Variants in DORIP1 observed in about 807,000 individuals in gnomAD.
The protein encoded by DORIP1 is dopamine receptor-interacting protein 1.
the DORIP1 span, chr14:44,899,302 C>T: frequency 2.0e-5 from 3 of 152,164 alleles, no homozygotes; most frequent in South Asian, 2.1e-4. Context: ...AGGGAGGATG[C>T]TTTGCTTCAT....
chr14:44,900,789 C>G, the DORIP1 span: 2 of 1,614,092 alleles, frequency 1.2e-6, no homozygotes, highest in Non-Finnish European at 1.7e-6. Context: ...AACAGCAATA[C>G]AAATCTGAAG....
the DORIP1 span, chr14:44,903,386 C>T: frequency 6.0e-6 from 9 of 1,495,956 alleles, no homozygotes; most frequent in Non-Finnish European, 8.2e-6. Context: ...CTTTATGAAT[C>T]TTATTAACCT....
the DORIP1 span, among the ~76,000 whole-genome samples, chr14:44,901,978 A>G: frequency 6.6e-6 from 1 of 152,244 alleles, no homozygotes; most frequent in Admixed American, 6.5e-5. Context: ...CCAGTGGAAG[A>G]AAAACAGACC....
chr14:44,900,682 C>T, the DORIP1 span: 10 of 1,612,608 alleles, frequency 6.2e-6, no homozygotes, highest in Non-Finnish European at 8.5e-6. Context: ...ACTCTCTCTT[C>T]ATTTTGGTAG....
chr14:44,903,768 G>A, the DORIP1 span: 8 of 967,724 alleles, frequency 8.3e-6, no homozygotes, highest in Non-Finnish European at 8.6e-6. Context: ...CAAAAGGAAA[G>A]GTAAAAATAT....
At chr14:44,900,681 T>C in the DORIP1 span, 23 of 1,612,652 alleles carry the variant, frequency 1.4e-5, no homozygotes, top group Non-Finnish European at 1.8e-5. Flanking sequence ...AACTCTCTCT[T>C]CATTTTGGTA....
chr14:44,904,536 G>A, the DORIP1 span: 1 of 1,561,310 alleles, frequency 6.4e-7, no homozygotes, highest in South Asian at 1.3e-5. Context: ...ACAAGTAGGT[G>A]TTTTTGTTGT....
the DORIP1 span, chr14:44,904,904 G>T: frequency 5.7e-6 from 1 of 176,328 alleles, no homozygotes. Flanking sequence ...GTTTAAGATA[G>T]TACCTGACAC....
chr14:44,900,582 T>A, the DORIP1 span: 4 of 1,610,884 alleles, frequency 2.5e-6, no homozygotes, highest in Non-Finnish European at 3.4e-6. Context: ...CACTCTATGT[T>A]GAAATAAGAC....
At chr14:44,903,459 C>T in the DORIP1 span, 2 of 1,316,026 alleles carry the variant, frequency 1.5e-6, no homozygotes, top group Non-Finnish European at 9.8e-7. Flanking sequence ...GAATATGGTA[C>T]TACAGCTGAT....
the DORIP1 span, among the ~76,000 whole-genome samples, chr14:44,898,719 T>C: frequency 6.6e-6 from 1 of 152,192 alleles, no homozygotes; most frequent in African/African-American, 2.4e-5. Flanking sequence ...ATGACTAGAA[T>C]CAATGTGTTG....
the DORIP1 span, chr14:44,898,778 A>G: frequency 6.6e-6 from 1 of 152,160 alleles, no homozygotes; most frequent in Non-Finnish European, 1.5e-5. Context: ...TAGTTACTGG[A>G]TATTTTAGAG....
chr14:44,903,157 A>G, the DORIP1 span: 1 of 1,296,796 alleles, frequency 7.7e-7, no homozygotes, highest in East Asian at 2.3e-5. Flanking sequence ...TAATATATTA[A>G]GATATAAAAT....
chr14:44,903,609 AAG>A, the DORIP1 span: 1 of 1,013,592 alleles, frequency 9.9e-7, no homozygotes, highest in Non-Finnish European at 1.2e-6. Context: ...ATTTAGGAGA[AAG>A]AGGTAAATGA....
chr14:44,899,980 C>T, the DORIP1 span, among the ~76,000 whole-genome samples: 4,988 of 151,820 alleles, frequency 0.033, 272 homozygotes, highest in African/African-American at 0.11. Flanking sequence ...TACAGGCATG[C>T]GCCACCACGC....
chr14:44,900,098 G>C, the DORIP1 span, among the ~76,000 whole-genome samples: 3 of 152,054 alleles, frequency 2.0e-5, no homozygotes, highest in Non-Finnish European at 4.4e-5. Flanking sequence ...CCAAAGTACT[G>C]GGATTACAGG....
At chr14:44,900,151 G>A in the DORIP1 span, among the ~76,000 whole-genome samples, 1 of 151,824 alleles carries the variant, frequency 6.6e-6, no homozygotes, top group African/African-American at 2.4e-5. Flanking sequence ...TTTATTACAG[G>A]GTTTCCCTCT....
the DORIP1 span, chr14:44,899,434 G>C: frequency 6.6e-6 from 1 of 152,124 alleles, no homozygotes; most frequent in Admixed American, 6.6e-5. Context: ...ACAATTCTCA[G>C]TTGCAAATAA....
the DORIP1 span, chr14:44,904,948 T>C: frequency 5.9e-6 from 1 of 170,240 alleles, no homozygotes; most frequent in South Asian, 1.8e-4. Flanking sequence ...AGCACAGTAT[T>C]TTGTGCCTGA....
Sources: gnomAD v4.1 joint callset for allele counts (sites outside exome capture counted in the v4.1 genomes callset) on GRCh38, gnomAD v4.1.1 for gene constraint, MANE v1.5 for transcripts, NCBI Gene and HGNC (gene_info 2026-07-23, HGNC 2026-07-21) for gene names.